Variants in HELZ observed in about 807,000 individuals in gnomAD.
The protein encoded by HELZ is helicase with zinc finger.
Under a neutral mutation model 218.2 loss-of-function variants are expected in HELZ, and 23 were observed. The observed-to-expected ratio is 0.11, with a 90% CI of 0.08 to 0.15. The LOEUF is 0.15. HELZ is among the 10% of genes least tolerant of loss of function. The pLI is 1.00. For synonymous variants in HELZ, 814 were observed against 829.4 expected (o/e 0.98, Z 0.32); for missense variants, 1,813 against 2,353.7 (o/e 0.77, Z 4.75).
intron 27 of HELZ, among the ~76,000 whole-genome samples, chr17:67,115,826 G>A (rs1373212857): frequency 6.6e-6 from 1 of 152,028 alleles, no homozygotes; most frequent in Non-Finnish European, 1.5e-5. Flanking sequence ...AGTCTTTCAG[G>A]CAAAAGAAAA....
At chr17:67,219,650 C>T (rs187971118) in intron 3 of HELZ, among the ~76,000 whole-genome samples, 45 of 152,202 alleles carry the variant, frequency 3.0e-4, no homozygotes, top group African/African-American at 1.0e-3. Flanking sequence ...TATGAATGAC[C>T]TCAAATGCCA....
In HELZ at chr17:67,167,464, T is replaced by C. The variant is rs1195899860; in HGVS notation, c.1763A>G (p.Gln588Arg). 1 of 1,603,680 alleles carries C rather than the reference T, an allele frequency of 6.2e-7. No individual in the cohort carries two copies. The highest frequency in any genetic ancestry group is 1.7e-5 in the Admixed American group (1 of 59,840). ...TTAAGCTGCAACCTTCAAACATACCTGTGTGTCACAGTCAGGCCGAAGATT... is the reference window on the plus strand; with the variant it reads ...TTAAGCTGCAACCTTCAAACATACCCGTGTGTCACAGTCAGGCCGAAGATT... ...ELNLRPDCDTQVELQFQLNRL... is the reference protein window; with the variant it reads ...ELNLRPDCDTRVELQFQLNRL... Residue 588 changes from glutamine (Q) to arginine (R), a missense_variant and splice_region_variant, in exon 14 of 33, where the codon CAG (glutamine) becomes CGG (arginine). Gln to Arg is a conservative substitution (Grantham distance 43, BLOSUM62 1). Transcript: ENST00000358691.
At chr17:67,230,859 C>A (rs2041019640) in intron 3 of HELZ, among the ~76,000 whole-genome samples, 1 of 152,026 alleles carries the variant, frequency 6.6e-6, no homozygotes, top group Non-Finnish European at 1.5e-5. Flanking sequence ...AAACTGAGAA[C>A]AGAGTTTTCT....
chr17:67,123,999 G>A lies in HELZ; in HGVS notation c.3403C>T (p.His1135Tyr), dbSNP rs771295877. 3 of 1,603,890 alleles carry A rather than the reference G, an allele frequency of 1.9e-6. No homozygotes were observed. In the South Asian group the frequency reaches 3.3e-5, roughly 18 times the overall value. Reference sequence around the variant, plus strand: ...TTCTGGAAGTGATCATTCTGGGTATGATGAAGACTTTTCCCCTTTAAAGAA... The same window carrying A: ...TTCTGGAAGTGATCATTCTGGGTATAATGAAGACTTTTCCCCTTTAAAGAA... ...QSPPKGKSLH[H>Y]TQNDHFQNDG... The change falls in exon 25 of 33, where the codon CAT becomes TAT. Residue 1135 changes from histidine (H) to tyrosine (Y), a missense_variant. By Grantham distance (83) the His-to-Tyr change is moderately conservative. Transcript: ENST00000358691.
At chr17:67,177,407 A>C (rs2039491366) in intron 13 of HELZ, among the ~76,000 whole-genome samples, 1 of 152,152 alleles carries the variant, frequency 6.6e-6, no homozygotes, top group African/African-American at 2.4e-5. Context: ...GGAATGATTT[A>C]TCAACCTTAA....
chr17:67,079,128 T>C (rs1192043787), intron 32 of HELZ, among the ~76,000 whole-genome samples: 1 of 152,234 alleles, frequency 6.6e-6, no homozygotes, highest in Non-Finnish European at 1.5e-5. Flanking sequence ...GTGCCTGACT[T>C]TCAAGGTCCC....
intron 5 of HELZ, among the ~76,000 whole-genome samples, chr17:67,211,799 T>G (rs1483893951): frequency 6.6e-6 from 1 of 151,954 alleles, no homozygotes. Flanking sequence ...AGGCAGAGGT[T>G]GCAGTGAGCC....
At chr17:67,121,881 C>T (rs911261578) in intron 26 of HELZ, among the ~76,000 whole-genome samples, 6 of 152,146 alleles carry the variant, frequency 3.9e-5, no homozygotes, top group Admixed American at 1.3e-4. Context: ...CTAATCCAAG[C>T]CTGTGTCCTG....
At chr17:67,089,664 T>TAGAGAG (rs1451569948) in intron 31 of HELZ, among the ~76,000 whole-genome samples, 20 of 45,446 alleles carry the variant, frequency 4.4e-4, no homozygotes, top group African/African-American at 1.1e-3. Context: ...TATATATATA[T>TAGAGAG]ATATAGAGAG....
chr17:67,160,821 C>A, intron 16 of HELZ, 76 bp downstream of exon 16: 1 of 1,078,570 alleles, frequency 9.3e-7, no homozygotes, highest in African/African-American at 1.6e-5. Flanking sequence ...TCTTGCTAGC[C>A]CTCATTGTGT....
chr17:67,215,896 T>G lies in HELZ; in HGVS notation c.247+3A>C. The G allele has an allele frequency of 6.5e-7, 1 of 1,543,336 alleles. No individual in the cohort carries two copies. The highest frequency in any genetic ancestry group is 8.9e-7 in the Non-Finnish European group (1 of 1,118,986). On this transcript the variant is annotated splice_donor_region_variant and intron_variant, in intron 5 of 32. Coordinates refer to ENST00000358691, the MANE Select transcript of HELZ (RefSeq NM_014877.4). ...ATAATTCGAGTCTCATTTTTAAACA[T>G]ACCATGTCTACAATCTTCATCAGCT...
At chr17:67,216,095 A>G (rs1425791238) in intron 4 of HELZ, among the ~76,000 whole-genome samples, 160 bp from the exon 5 acceptor site, 1 of 152,212 alleles carries the variant, frequency 6.6e-6, no homozygotes, top group Non-Finnish European at 1.5e-5. Flanking sequence ...TCTGAGGATT[A>G]CAGGGCACTC....
intron 25 of HELZ, among the ~76,000 whole-genome samples, chr17:67,123,529 A>T (rs561123899): frequency 2.6e-5 from 4 of 152,318 alleles, no homozygotes; most frequent in South Asian, 4.1e-4. Flanking sequence ...ACTGTAACAG[A>T]ACCACATACA....
intron 3 of HELZ, among the ~76,000 whole-genome samples, chr17:67,236,726 A>G (rs1396758060): frequency 4.6e-5 from 7 of 152,204 alleles, no homozygotes; most frequent in Admixed American, 4.6e-4. Flanking sequence ...AAGAAAATCA[A>G]TTGTCTTAGG....
chr17:67,092,267 C>A (rs761920234), intron 31 of HELZ, among the ~76,000 whole-genome samples: 1 of 152,036 alleles, frequency 6.6e-6, no homozygotes, highest in Non-Finnish European at 1.5e-5. Context: ...CAATAGAGGA[C>A]ACATTTCCAG....
Position 67,160,446 on chromosome 17 carries a change from G to A in HELZ, c.2076-84C>T, listed in dbSNP as rs577958411. 121 of 863,762 alleles carry A rather than the reference G, an allele frequency of 1.4e-4. 1 individual carries two copies. The South Asian group carries it at 1.7e-3, about 12-fold the overall frequency. The allele number at this position is 863,762 out of a possible 1,614,324, so 53.5% of individuals were successfully genotyped here. A position where few individuals can be genotyped will look rare whatever the true frequency, so the allele number is the denominator to read the frequency against. On this transcript the variant is annotated intron_variant, in intron 16 of 32. Transcript: ENST00000358691. ...TATAATACCAAAAAAAAAAGCAGTG[G>A]CCATCCTAATATTATACAATTCCCT...
Position 67,120,610 on chromosome 17 carries a change from T to C in HELZ, c.3633A>G (p.Val1211=). The C allele has an allele frequency of 6.2e-7, 1 of 1,608,178 alleles. No homozygotes were observed. The highest frequency in any genetic ancestry group is 1.1e-5 in the South Asian group (1 of 90,922). Residue 1211 remains valine, a splice_region_variant and synonymous_variant, in exon 27 of 33, where the codon GTA becomes GTG. Coordinates refer to ENST00000358691, the MANE Select transcript of HELZ (RefSeq NM_014877.4). ...GNVVMSVPLP[V]PWTGYQGRFA... is the part of the protein sequence containing the mutation. ...ACCTACCCTGGTATCCTGTCCATGG[T>C]ACCTAGGTTATTAAAAAATAAAATA...
chr17:67,145,467 G>T (rs907393432), intron 21 of HELZ, among the ~76,000 whole-genome samples: 1 of 152,118 alleles, frequency 6.6e-6, no homozygotes, highest in Non-Finnish European at 1.5e-5. Context: ...TAACAATAAT[G>T]ATCTAATTGA....
chr17:67,112,478 T>C (rs2143774128), intron 28 of HELZ, among the ~76,000 whole-genome samples: 1 of 152,296 alleles, frequency 6.6e-6, no homozygotes, highest in East Asian at 1.9e-4. Context: ...CCCAAACACG[T>C]ACCACTTCAG....
Sources: allele counts gnomAD v4.1 joint callset (sites outside exome capture counted in the v4.1 genomes callset), GRCh38; gene constraint gnomAD v4.1.1; transcripts MANE v1.5; gene names NCBI Gene and HGNC (gene_info 2026-07-23, HGNC 2026-07-21).